Variants in ECE2 observed in about 807,000 individuals in gnomAD.
The protein encoded by ECE2 is endothelin converting enzyme 2.
A neutral mutation model predicts 100.6 loss-of-function variants in ECE2; 81 were observed. That is an observed-to-expected ratio of 0.81 (90% CI 0.67 to 0.97). ECE2 has a LOEUF of 0.97. Ranked by LOEUF, ECE2 falls within the 50% of genes least tolerant of loss-of-function variation. ECE2 has a pLI of 0.00. For missense variants in ECE2, 911 were observed against 988.1 expected, an observed-to-expected ratio of 0.92 and a Z score of 1.05; for synonymous variants, 391 against 391.5, an observed-to-expected ratio of 1.00 and a Z score of 0.02.
Position 184,291,968 on chromosome 3 carries a change from G to A in ECE2, c.2122-94G>A, listed in dbSNP as rs1382434222. 1.4e-6 allele frequency: 2 copies of A among 1,421,640 alleles called. No homozygotes were observed. 88.1% of individuals were successfully genotyped at this position (1,421,640 alleles called of 1,614,324 possible). A position where few individuals can be genotyped will look rare whatever the true frequency, so the allele number is the denominator to read the frequency against. ...AAGGAACTTGGGAGGGGCTGCAGCG[G>A]TGGTGGTTTGTGCCCCTGGGATGGC... On this transcript the variant is annotated intron_variant, in intron 18 of 18. Coordinates refer to ENST00000404464, the MANE Select transcript of ECE2 (RefSeq NM_001100121.2). This position sits in a 1 kb window ranked among gnomAD's most constrained non-coding sequence, Gnocchi z 4.1.
At chr3:184,279,309 C>A (rs1296093785) in intron 7 of ECE2, among the ~76,000 whole-genome samples, 836 of 78,836 alleles carry the variant, frequency 0.011, no homozygotes, top group South Asian at 0.021. Flanking sequence ...GACTCCGACT[C>A]AAAAAAAAAA....
intron 11 of ECE2, 55 bp downstream of exon 11, chr3:184,288,002 T>C: frequency 6.5e-7 from 1 of 1,534,940 alleles, no homozygotes; most frequent in African/African-American, 1.4e-5. Context: ...TGTTCATGTA[T>C]GTGCAGACAT....
Position 184,290,642 on chromosome 3 carries a change from C to T in ECE2, c.1741C>T (p.Pro581Ser). ...IVFPAGILQA[P>S]FYARNHPKAL... Reference sequence around the variant, plus strand: ...CTTCCCCGCTGGCATCCTGCAGGCCCCCTTCTATGCCCGCAACCACCCCAA... The same window carrying T: ...CTTCCCCGCTGGCATCCTGCAGGCCTCCTTCTATGCCCGCAACCACCCCAA... The change falls in exon 15 of 19, where the codon CCC becomes TCC. Residue 581 changes from proline (P) to serine (S), a missense_variant. Coordinates refer to ENST00000404464, the MANE Select transcript of ECE2 (RefSeq NM_001100121.2). 6.2e-7 allele frequency: 1 copy of T among 1,614,160 alleles called. No individual in the cohort carries two copies. Among genetic ancestry groups the T allele is most frequent in the East Asian group, 2.2e-5 (1 of 44,888 alleles).
rs1721349245 is a variant in ECE2 at position 184,292,036 on chromosome 3, G to A, written c.2122-26G>A. On this transcript the variant is annotated intron_variant, in intron 18 of 18. Transcript: ENST00000404464. ...CCCGGCTCCACACTAGACACCATATGCCCCCATGTCTGTCCTGGCCCGCAG... is the reference window on the plus strand; with the variant it reads ...CCCGGCTCCACACTAGACACCATATACCCCCATGTCTGTCCTGGCCCGCAG... 1.9e-6 allele frequency: 3 copies of A among 1,595,770 alleles called. No individual in the cohort carries two copies. The South Asian group carries it at 3.4e-5, about 18-fold the overall frequency.
At chr3:184,284,052 TC>T (rs1720926869) in intron 8 of ECE2, 79 bp downstream of exon 8, 1 of 1,524,138 alleles carries the variant, frequency 6.6e-7, no homozygotes, top group Admixed American at 1.8e-5. Flanking sequence ...CCATGCCATC[TC>T]CCCAAGGCAG....
intron 3 of ECE2, 68 bp from the exon 4 acceptor site, chr3:184,277,183 C>A (rs768159320): frequency 3.1e-6 from 5 of 1,606,630 alleles, no homozygotes; most frequent in Non-Finnish European, 3.4e-6. Context: ...ATGGCCCTTG[C>A]AGAGTTTGCC....
rs1339391129 is a variant in ECE2 at position 184,289,505 on chromosome 3, T to G, written c.1443T>G (p.Asp481Glu). Residue 481 changes from aspartate to glutamate, a missense_variant, in exon 12 of 19, where the codon GAT becomes GAG. Asp to Glu is a conservative substitution (Grantham distance 45, BLOSUM62 2). Coordinates refer to ENST00000404464, the MANE Select transcript of ECE2 (RefSeq NM_001100121.2). This position sits in a 1 kb window ranked among gnomAD's most constrained non-coding sequence, Gnocchi z 4.1. ...CCCTGGGACAGCTGGTTTGGATGGA[T>G]GAGAAGACCCGCCAGGCAGCCAAGG... ...EEALGQLVWM[D>E]EKTRQAAKEK... 2 of 1,612,736 alleles carry G rather than the reference T, an allele frequency of 1.2e-6. No individual in the cohort carries two copies. The highest frequency in any genetic ancestry group is 1.3e-5 in the African/African-American group (1 of 74,988).
intron 10 of ECE2, among the ~76,000 whole-genome samples, chr3:184,286,324 G>T (rs747537201): frequency 5.9e-5 from 9 of 152,172 alleles, no homozygotes; most frequent in Non-Finnish European, 1.3e-4. Flanking sequence ...ACTTGGGAAG[G>T]GATCTGAATA....
At chr3:184,278,449 G>T (rs1193950059) in intron 6 of ECE2, 43 bp from the exon 7 acceptor site, 1 of 1,607,156 alleles carries the variant, frequency 6.2e-7, no homozygotes, top group Admixed American at 1.7e-5. Flanking sequence ...GGTTCCCATG[G>T]TGGGGAAAGC....
chr3:184,287,275 C>CT (rs1553839597), intron 10 of ECE2, among the ~76,000 whole-genome samples: 6 of 99,670 alleles, frequency 6.0e-5, no homozygotes, highest in Non-Finnish European at 1.3e-4. Flanking sequence ...GACTCCATCT[C>CT]AAAAAAAAAA....
chr3:184,291,664 C>A lies in ECE2; in HGVS notation c.2121+225C>A. On this transcript the variant is annotated intron_variant, in intron 18 of 18. Transcript: ENST00000404464. This position sits in a 1 kb window ranked among gnomAD's most constrained non-coding sequence, Gnocchi z 4.1. ...GCGGGAGAATGCCTTGGTAGGATTT[C>A]GCATAGTTCAAAGGGCAAGGTTGTC... 1.9e-6 allele frequency: 1 copy of A among 523,852 alleles called. No individual in the cohort carries two copies. Among genetic ancestry groups the A allele is most frequent in the South Asian group, 3.3e-5 (1 of 29,954 alleles). 32.5% of individuals were successfully genotyped at this position (523,852 alleles called of 1,614,324 possible).
intron 11 of ECE2, among the ~76,000 whole-genome samples, chr3:184,288,327 A>AAAG (rs1721160446): frequency 6.7e-6 from 1 of 148,970 alleles, no homozygotes; most frequent in Non-Finnish European, 1.5e-5. Context: ...AAAAAAAAAA[A>AAAG]AAAAGAAAAG....
In ECE2 at chr3:184,289,553, T is replaced by C; in HGVS notation, c.1473+18T>C. The stretch of plus-strand genomic sequence containing the variant: ...AGGAGAAAGTGAGCGGTGGCTAGGG[T>C]TGGGGCGCCATCTTGAGGTGGGGTT... On this transcript the variant is annotated intron_variant, in intron 12 of 18. Coordinates refer to ENST00000404464, the MANE Select transcript of ECE2 (RefSeq NM_001100121.2). The surrounding 1 kb of genome is among the most constrained non-coding windows in gnomAD (Gnocchi z 4.1). 1 of 1,613,564 alleles carries C rather than the reference T, an allele frequency of 6.2e-7. No homozygotes were observed. The highest frequency in any genetic ancestry group is 8.5e-7 in the Non-Finnish European group (1 of 1,179,766).
At chr3:184,290,202 A>G in intron 13 of ECE2, 53 bp from the exon 14 acceptor site, 1 of 1,465,986 alleles carries the variant, frequency 6.8e-7, no homozygotes, top group Non-Finnish European at 9.4e-7. Flanking sequence ...TGGCGCTATT[A>G]TCTTCTCCAA....
chr3:184,278,118 C>G, intron 5 of ECE2, 49 bp from the exon 6 acceptor site: 18 of 1,613,200 alleles, frequency 1.1e-5, no homozygotes, highest in Non-Finnish European at 1.5e-5. Context: ...GGCCCAGGAA[C>G]GCTTTGGGAG....
intron 9 of ECE2, among the ~76,000 whole-genome samples, 182 bp from the exon 10 acceptor site, chr3:184,285,296 C>T (rs1316900508): frequency 1.3e-5 from 2 of 152,264 alleles, no homozygotes; most frequent in Middle Eastern, 3.4e-3. Flanking sequence ...TCTGTCCCCC[C>T]ACTGCTCTCC....
In ECE2 at chr3:184,276,509, G is replaced by A. The variant is rs749865348; in HGVS notation, c.68G>A (p.Arg23Gln). ...GTGGAGTACAAACGGGCCACGCTTC[G>A]GGATGAAGACGCACCCGAGACCCCC... ...NMVEYKRATL[R>Q]DEDAPETPVE... The change falls in exon 2 of 19, where the codon CGG becomes CAG. Residue 23 changes from arginine to glutamine, a missense_variant. Coordinates refer to ENST00000404464, the MANE Select transcript of ECE2 (RefSeq NM_001100121.2). The A allele has an allele frequency of 1.4e-5, 22 of 1,610,966 alleles. No individual in the cohort carries two copies. The South Asian group carries it at 1.4e-4, about 10-fold the overall frequency.
Position 184,284,972 on chromosome 3 carries a change from C to T in ECE2, c.1015C>T (p.Pro339Ser). 6.2e-7 allele frequency: 1 copy of T among 1,613,598 alleles called. No individual in the cohort carries two copies. The highest frequency in any genetic ancestry group is 8.5e-7 in the Non-Finnish European group (1 of 1,179,800). ...GATTTTTTTCTTTCAGGCTCTGGCG[C>T]CCTCCATGGACTGGCTTGAGTTCCT... is the stretch of plus-strand genomic sequence containing the variant. ...MSISELQALA[P>S]SMDWLEFLSF... is the part of the protein sequence containing the mutation. Residue 339 changes from proline (P) to serine (S), a missense_variant, in exon 9 of 19, where the codon CCC becomes TCC. By Grantham distance (74) the Pro-to-Ser change is moderately conservative. Transcript: ENST00000404464.
At chr3:184,285,158 C>T in intron 9 of ECE2, 53 bp downstream of exon 9, 1 of 1,586,612 alleles carries the variant, frequency 6.3e-7, no homozygotes, top group East Asian at 2.2e-5. Context: ...TCCAGCAAGG[C>T]TGGGCATAAT....
Sources: gnomAD v4.1 joint callset for allele counts (sites outside exome capture counted in the v4.1 genomes callset) on GRCh38, gnomAD v4.1.1 for gene constraint, Gnocchi (gnomAD v3.1) non-coding constraint, MANE v1.5 for transcripts, NCBI Gene and HGNC (gene_info 2026-07-23, HGNC 2026-07-21) for gene names.